Variants in DNAJC5B observed in about 807,000 individuals in gnomAD.
The protein encoded by DNAJC5B is DnaJ heat shock protein family (Hsp40) member C5 beta.
Under a neutral mutation model 24.7 loss-of-function variants are expected in DNAJC5B, and 23 were observed. The ratio of observed to expected loss-of-function variants is 0.93; its 90% CI spans 0.67 to 1.32. DNAJC5B has a LOEUF of 1.32. DNAJC5B is among the 40% of genes most tolerant of loss of function. The probability of loss-of-function intolerance (pLI) is 0.00; values close to 1 mark genes in which losing one functional copy is unlikely to be tolerated. For synonymous variants in DNAJC5B, 101 were observed against 90.1 expected, an observed-to-expected ratio of 1.12 and a Z score of -0.68; for missense variants, 238 against 240.8, an observed-to-expected ratio of 0.99 and a Z score of 0.08.
At chr8:66,098,648 C>T (rs1251615180) in intron 5 of DNAJC5B, among the ~76,000 whole-genome samples, 1 of 151,784 alleles carries the variant, frequency 6.6e-6, no homozygotes, top group Non-Finnish European at 1.5e-5. Context: ...TAATTCTATC[C>T]ATCATGTCCT....
chr8:66,061,925 C>T (rs1335465766), intron 3 of DNAJC5B, among the ~76,000 whole-genome samples: 2 of 152,190 alleles, frequency 1.3e-5, no homozygotes, highest in African/African-American at 4.8e-5. Flanking sequence ...GACAAGGAGG[C>T]ATTCAGGTGG....
chr8:66,035,412 A>C (rs1563587559), intron 1 of DNAJC5B, among the ~76,000 whole-genome samples: 1 of 152,236 alleles, frequency 6.6e-6, no homozygotes, highest in Non-Finnish European at 1.5e-5. Context: ...ATGAGGCCTT[A>C]CTGGAGTAGG....
intron 3 of DNAJC5B, among the ~76,000 whole-genome samples, chr8:66,058,746 T>G (rs1807019220): frequency 6.6e-6 from 1 of 152,250 alleles, no homozygotes; most frequent in South Asian, 2.1e-4. Context: ...CATCTGAAAT[T>G]CAACCATACT....
At chr8:66,092,935 C>T (rs1299471591) in intron 5 of DNAJC5B, among the ~76,000 whole-genome samples, 1 of 150,110 alleles carries the variant, frequency 6.7e-6, no homozygotes, top group African/African-American at 2.5e-5. Context: ...GAGCATAGTA[C>T]CCAATAGTTA....
In DNAJC5B at chr8:66,101,090, TG is replaced by T; in HGVS notation, c.*1060del. ...ATATTGCATTTTCAAGATCTTGTTATGTTTTTATATAATATTGTATAAAATG... is the reference window on the plus strand; with the variant it reads ...ATATTGCATTTTCAAGATCTTGTTATTTTTTATATAATATTGTATAAAATG... On this transcript the variant is annotated 3_prime_UTR_variant, in exon 6 of 6. Coordinates refer to ENST00000276570, the MANE Select transcript of DNAJC5B (RefSeq NM_033105.6). Among the ~76,000 whole-genome samples the T allele has an allele frequency of 2.0e-5, 3 of 152,346 alleles. No individual in the cohort carries two copies. The highest frequency in any genetic ancestry group is 2.0e-4 in the Admixed American group (3 of 15,306).
At chr8:66,065,589 T>C (rs1807172978) in intron 3 of DNAJC5B, among the ~76,000 whole-genome samples, 2 of 152,134 alleles carry the variant, frequency 1.3e-5, no homozygotes, top group Non-Finnish European at 2.9e-5. Context: ...TCAAGCTTCT[T>C]GTGGGAGGGC....
At chr8:66,028,747 C>T (rs933644702) in intron 1 of DNAJC5B, among the ~76,000 whole-genome samples, 6 of 152,160 alleles carry the variant, frequency 3.9e-5, no homozygotes, top group Non-Finnish European at 4.4e-5. Context: ...GGTCTGGGCC[C>T]TCATCTCCTC....
At chr8:66,092,297 G>A (rs1339797277) in intron 5 of DNAJC5B, among the ~76,000 whole-genome samples, 2 of 152,172 alleles carry the variant, frequency 1.3e-5, no homozygotes, top group African/African-American at 2.4e-5. Context: ...AATTCACGCA[G>A]CACAACGAGT....
intron 3 of DNAJC5B, among the ~76,000 whole-genome samples, chr8:66,060,232 C>A (rs1354231099): frequency 6.6e-6 from 1 of 152,194 alleles, no homozygotes; most frequent in Non-Finnish European, 1.5e-5. Context: ...ACAGACCCCC[C>A]TCCTCTTGTG....
intron 4 of DNAJC5B, among the ~76,000 whole-genome samples, chr8:66,079,060 C>T (rs1807534332): frequency 6.6e-6 from 1 of 152,132 alleles, no homozygotes; most frequent in Non-Finnish European, 1.5e-5. Flanking sequence ...TGATTTTGCT[C>T]AATTCACAAA....
chr8:66,047,035 G>C (rs1044290627), intron 2 of DNAJC5B, among the ~76,000 whole-genome samples: 1 of 152,246 alleles, frequency 6.6e-6, no homozygotes, highest in Non-Finnish European at 1.5e-5. Flanking sequence ...TCATTTACCA[G>C]GAGATAGAAT....
intron 3 of DNAJC5B, among the ~76,000 whole-genome samples, chr8:66,066,788 C>T (rs1021530027): frequency 3.3e-5 from 5 of 152,140 alleles, no homozygotes; most frequent in African/African-American, 1.2e-4. Flanking sequence ...GTTGGATGCA[C>T]TAAAATCTCA....
At chr8:66,085,945 T>G (rs1224288282) in intron 5 of DNAJC5B, among the ~76,000 whole-genome samples, 1 of 152,158 alleles carries the variant, frequency 6.6e-6, no homozygotes, top group Non-Finnish European at 1.5e-5. Flanking sequence ...GTATCTCTAC[T>G]TATCCACGTC....
At chr8:66,028,268 C>T (rs1806289512) in intron 1 of DNAJC5B, among the ~76,000 whole-genome samples, 1 of 152,204 alleles carries the variant, frequency 6.6e-6, no homozygotes, top group African/African-American at 2.4e-5. Context: ...CTCACCGGCG[C>T]TCATGTCCAC....
intron 1 of DNAJC5B, among the ~76,000 whole-genome samples, chr8:66,030,783 C>T (rs950000210): frequency 1.3e-5 from 2 of 152,148 alleles, no homozygotes; most frequent in African/African-American, 4.8e-5. Context: ...ATTACAGGTG[C>T]CCACCACCAT....
intron 2 of DNAJC5B, among the ~76,000 whole-genome samples, chr8:66,051,072 C>T (rs1806834426): frequency 6.6e-6 from 1 of 152,184 alleles, no homozygotes; most frequent in Admixed American, 6.5e-5. Context: ...CTTATTCCTC[C>T]TATTTAACTG....
At chr8:66,056,109 A>C (rs991088105) in intron 3 of DNAJC5B, among the ~76,000 whole-genome samples, 1 of 152,194 alleles carries the variant, frequency 6.6e-6, no homozygotes, top group Admixed American at 6.5e-5. Context: ...TTAACTGGTC[A>C]GAAATCCCAG....
At chr8:66,081,460 G>A (rs1046915716) in intron 5 of DNAJC5B, among the ~76,000 whole-genome samples, 1 of 152,050 alleles carries the variant, frequency 6.6e-6, no homozygotes, top group African/African-American at 2.4e-5. Context: ...TCAGACAGTG[G>A]CCCATTTTTG....
intron 5 of DNAJC5B, among the ~76,000 whole-genome samples, chr8:66,096,353 G>C (rs571260069): frequency 1.9e-4 from 29 of 152,240 alleles, no homozygotes; most frequent in African/African-American, 6.7e-4. Context: ...TAGGAATTAG[G>C]ACTTCAACAT....
Sources: gnomAD v4.1 joint callset for allele counts (sites outside exome capture counted in the v4.1 genomes callset) on GRCh38, gnomAD v4.1.1 for gene constraint, MANE v1.5 for transcripts, NCBI Gene and HGNC (gene_info 2026-07-23, HGNC 2026-07-21) for gene names.